GLI2: variants seen among roughly 807,000 people sequenced by gnomAD.
The protein encoded by GLI2 is transcription activator GLI2.
A neutral mutation model predicts 78.9 loss-of-function variants in GLI2; 22 were observed. The ratio of observed to expected loss-of-function variants is 0.28; its 90% CI spans 0.20 to 0.40. The LOEUF (loss-of-function observed/expected upper bound fraction) is 0.40, where lower values mean the gene tolerates loss of function less well. Ranked by LOEUF, GLI2 falls within the 10% of genes least tolerant of loss-of-function variation. GLI2 has a pLI of 1.00. For missense variants in GLI2, 2,097 were observed against 2,213.2 expected (o/e 0.95, Z 1.05); for synonymous variants, 974 against 963.7 (o/e 1.01, Z -0.20).
chr2:120,916,006 G>C (rs1259464098), intron 2 of GLI2, among the ~76,000 whole-genome samples: 2 of 152,160 alleles, frequency 1.3e-5, no homozygotes, highest in Non-Finnish European at 2.9e-5. Context: ...CTTCCTTACT[G>C]TGCAACTGGG....
intron 3 of GLI2, among the ~76,000 whole-genome samples, chr2:120,943,711 C>A (rs541244013): frequency 5.9e-5 from 9 of 152,312 alleles, no homozygotes; most frequent in African/African-American, 1.9e-4. Context: ...CAGCACAGAT[C>A]TTGGAGCAAA....
chr2:120,988,662 G>A lies in GLI2; in HGVS notation c.2697G>A (p.Arg899=). ...TGGAGCGCATGAGCCTGCGGACCAGGCTGGCGCTGCTGGACGCGCCCGAGC... is the reference window on the plus strand; with the variant it reads ...TGGAGCGCATGAGCCTGCGGACCAGACTGGCGCTGCTGGACGCGCCCGAGC... ...PGLERMSLRT[R]LALLDAPERT... The change falls in exon 14 of 14, where the codon AGG becomes AGA. Residue 899 remains arginine, a synonymous_variant. Transcript: ENST00000361492. 7.2e-7 allele frequency: 1 copy of A among 1,387,572 alleles called. No individual in the cohort carries two copies. The highest frequency in any genetic ancestry group is 9.3e-7 in the Non-Finnish European group (1 of 1,071,946). 86.0% of individuals were successfully genotyped at this position (1,387,572 alleles called of 1,614,324 possible). A position where few individuals can be genotyped will look rare whatever the true frequency, so the allele number is the denominator to read the frequency against.
Position 120,988,272 on chromosome 2 carries a change from G to C in GLI2, c.2307G>C (p.Pro769=). 6.4e-7 allele frequency: 1 copy of C among 1,568,670 alleles called. No individual in the cohort carries two copies. Among genetic ancestry groups the C allele is most frequent in the Non-Finnish European group, 8.6e-7 (1 of 1,162,920 alleles). The change falls in exon 14 of 14, where the codon CCG becomes CCC. Residue 769 remains proline (P), a synonymous_variant. Coordinates refer to ENST00000361492, the MANE Select transcript of GLI2 (RefSeq NM_001374353.1). The part of the protein sequence containing the change: ...GGGPAGLLPN[P]RLSELSASEV... ...GGCCCGCGGGGCTGCTGCCGAACCC[G>C]CGGCTGTCGGAGCTGTCCGCGAGCG...
intron 5 of GLI2, among the ~76,000 whole-genome samples, chr2:120,958,106 G>A (rs1234708163): frequency 1.3e-5 from 2 of 152,184 alleles, no homozygotes; most frequent in African/African-American, 4.8e-5. Flanking sequence ...GTCAGGCCTG[G>A]CTGCACGGTG....
Position 120,982,684 on chromosome 2 carries a change from G to T in GLI2, c.1468-32G>T, listed in dbSNP as rs1235945477. The stretch of plus-strand genomic sequence containing the variant: ...CGGCCTCAAGGTTGGGCCCCCTGGG[G>T]TGCCTTGACTGACTGAACCGCCTCC... On this transcript the variant is annotated intron_variant, in intron 10 of 13. Coordinates refer to ENST00000361492, the MANE Select transcript of GLI2 (RefSeq NM_001374353.1). 4 of 1,592,214 alleles carry T rather than the reference G, an allele frequency of 2.5e-6. No individual in the cohort carries two copies. The South Asian group carries it at 3.4e-5, about 14-fold the overall frequency.
chr2:120,927,139 G>A (rs1462840944), intron 2 of GLI2, among the ~76,000 whole-genome samples: 1 of 152,246 alleles, frequency 6.6e-6, no homozygotes, highest in African/African-American at 2.4e-5. Flanking sequence ...TTTGTCAAGA[G>A]CGCAGTTGGG....
intron 2 of GLI2, among the ~76,000 whole-genome samples, chr2:120,913,052 T>C (rs1205892552): frequency 6.6e-6 from 1 of 152,186 alleles, no homozygotes; most frequent in Non-Finnish European, 1.5e-5. Context: ...CATCAGTAAA[T>C]GTAAGCGACC....
rs1194343331 is a variant in GLI2 at position 120,988,645 on chromosome 2, A to C, written c.2680A>C (p.Met894Leu). Residue 894 changes from methionine (M) to leucine (L), a missense_variant, in exon 14 of 14, where the codon ATG (methionine) becomes CTG (leucine). Met to Leu is a conservative substitution (Grantham distance 15). Transcript: ENST00000361492. ...PPTPLPGLER[M>L]SLRTRLALLD... is the part of the protein sequence containing the mutation. ...CACTCCGCTGCCGGGCCTGGAGCGC[A>C]TGAGCCTGCGGACCAGGCTGGCGCT... 7.0e-6 allele frequency: 10 copies of C among 1,430,456 alleles called. No individual in the cohort carries two copies. In the South Asian group the frequency reaches 1.1e-4, roughly 15 times the overall value. 88.6% of individuals were successfully genotyped at this position (1,430,456 alleles called of 1,614,324 possible).
intron 1 of GLI2, among the ~76,000 whole-genome samples, chr2:120,771,962 G>C (rs1431960860): frequency 1.3e-5 from 2 of 152,166 alleles, no homozygotes; most frequent in African/African-American, 4.8e-5. Flanking sequence ...CCTCCCTGCT[G>C]TCAGGCCATC....
intron 1 of GLI2, among the ~76,000 whole-genome samples, chr2:120,767,306 T>C (rs1028761666): frequency 1.4e-5 from 2 of 142,216 alleles, no homozygotes; most frequent in African/African-American, 5.4e-5. Context: ...GCCGGGCTCT[T>C]GGATGTGCTG....
intron 3 of GLI2, among the ~76,000 whole-genome samples, chr2:120,932,556 C>T (rs1679995113): frequency 6.6e-6 from 1 of 152,224 alleles, no homozygotes; most frequent in Non-Finnish European, 1.5e-5. Flanking sequence ...CACTGGGACC[C>T]ATTGCCGAAC....
At chr2:120,756,896 T>C (rs969965492) in intron 1 of GLI2, among the ~76,000 whole-genome samples, 15 of 152,238 alleles carry the variant, frequency 9.9e-5, no homozygotes, top group African/African-American at 3.6e-4. Flanking sequence ...TACATGTATA[T>C]TAGGCAGCTT....
chr2:120,921,355 G>C (rs1200558549), intron 2 of GLI2, among the ~76,000 whole-genome samples: 1 of 152,098 alleles, frequency 6.6e-6, no homozygotes, highest in Non-Finnish European at 1.5e-5. Flanking sequence ...GGTTAGAAGG[G>C]CCGTTGGGTC....
intron 1 of GLI2, among the ~76,000 whole-genome samples, chr2:120,779,529 A>G (rs559022109): frequency 2.0e-5 from 3 of 152,210 alleles, no homozygotes; most frequent in Non-Finnish European, 4.4e-5. Flanking sequence ...TGCCGGTAAC[A>G]TGGCCCAAGA....
chr2:120,971,669 T>C (rs575920227), intron 7 of GLI2, among the ~76,000 whole-genome samples: 441 of 152,240 alleles, frequency 2.9e-3, no homozygotes, highest in African/African-American at 0.01. Flanking sequence ...ACCCTGCATT[T>C]TCCAAAGAGA....
intron 2 of GLI2, among the ~76,000 whole-genome samples, chr2:120,837,120 C>T (rs550381959): frequency 5.3e-5 from 8 of 152,078 alleles, no homozygotes; most frequent in African/African-American, 9.7e-5. Flanking sequence ...TTAGGCCGGG[C>T]GCGGTGGCTC....
chr2:120,821,944 G>A (rs1037082357), intron 2 of GLI2, among the ~76,000 whole-genome samples: 36 of 152,182 alleles, frequency 2.4e-4, no homozygotes, highest in African/African-American at 8.2e-4. Flanking sequence ...TTGACTCCAC[G>A]GGGGCCGGGA....
intron 2 of GLI2, among the ~76,000 whole-genome samples, chr2:120,860,921 T>C (rs1279174085): frequency 6.6e-6 from 1 of 151,988 alleles, no homozygotes; most frequent in East Asian, 1.9e-4. Flanking sequence ...GGCCCAAGGA[T>C]TGTTGTGAAA....
chr2:120,735,942 A>C lies in GLI2; in HGVS notation c.-374A>C, dbSNP rs1215694756. ...TCCGCGGACTTTTTTTCAAACTCCC[A>C]TCAATGAGACTTCGAGGAGGAGCGG... On this transcript the variant is annotated 5_prime_UTR_variant, in exon 1 of 14. Coordinates refer to ENST00000361492, the MANE Select transcript of GLI2 (RefSeq NM_001374353.1). Among the ~76,000 whole-genome samples the C allele has an allele frequency of 6.6e-6, 1 of 151,640 alleles. No individual in the cohort carries two copies. Among genetic ancestry groups the C allele is most frequent in the Non-Finnish European group, 1.5e-5 (1 of 67,860 alleles).
Sources: gnomAD v4.1 joint callset for allele counts (sites outside exome capture counted in the v4.1 genomes callset) on GRCh38, gnomAD v4.1.1 for gene constraint, MANE v1.5 for transcripts, NCBI Gene and HGNC (gene_info 2026-07-23, HGNC 2026-07-21) for gene names.